The following XNDC1N variants were observed in gnomAD, a reference collection of about 807,000 sequenced individuals.
XNDC1N encodes XRCC1 N-terminal domain containing 1, N-terminal like.
chr11:71,918,466 G>A, the XNDC1N span, among the ~76,000 whole-genome samples: 19 of 152,192 alleles, frequency 1.2e-4, no homozygotes, highest in African/African-American at 3.6e-4. Flanking sequence ...ATTTTTGGTA[G>A]AGACAGGATT....
the XNDC1N span, among the ~76,000 whole-genome samples, chr11:71,908,937 G>A: frequency 2.6e-5 from 4 of 152,174 alleles, no homozygotes; most frequent in Non-Finnish European, 4.4e-5. Context: ...AGACAGAGAA[G>A]CTCTCCTGGA....
chr11:71,903,155 T>C, the XNDC1N span: 65 of 678,416 alleles, frequency 9.6e-5, no homozygotes, highest in Non-Finnish European at 1.7e-4. Context: ...TTTTCAACCC[T>C]CTTTTCCAGG....
At chr11:71,888,620 C>A in the XNDC1N span, among the ~76,000 whole-genome samples, 1 of 152,212 alleles carries the variant, frequency 6.6e-6, no homozygotes, top group African/African-American at 2.4e-5. Flanking sequence ...CTCTCAACAA[C>A]TAGACGGGGT....
chr11:71,893,408 T>C, the XNDC1N span: 6 of 704,744 alleles, frequency 8.5e-6, no homozygotes, highest in Non-Finnish European at 1.3e-5. Flanking sequence ...CATTAAGGGC[T>C]GGTTTTTATC....
chr11:71,928,254 CGCT>C, the XNDC1N span: 1 of 559,766 alleles, frequency 1.8e-6, no homozygotes, highest in East Asian at 3.0e-5. Flanking sequence ...CAAGCCGCAC[CGCT>C]GCTTTCACAG....
At chr11:71,919,283 C>T in the XNDC1N span, among the ~76,000 whole-genome samples, 1 of 152,100 alleles carries the variant, frequency 6.6e-6, no homozygotes, top group African/African-American at 2.4e-5. Flanking sequence ...TTATTACTTC[C>T]AAGTTAACAG....
At chr11:71,919,158 G>A in the XNDC1N span, 1 of 618,332 alleles carries the variant, frequency 1.6e-6, no homozygotes, top group Non-Finnish European at 2.9e-6. Context: ...CACCAGATGG[G>A]AGGCCATAGG....
At chr11:71,878,427 C>T in the XNDC1N span, 1 of 1,610,598 alleles carries the variant, frequency 6.2e-7, no homozygotes, top group Non-Finnish European at 8.5e-7. Flanking sequence ...TACTGATTCT[C>T]TCTAACCTGC....
chr11:71,917,243 A>G, the XNDC1N span: 5 of 649,840 alleles, frequency 7.7e-6, no homozygotes, highest in African/African-American at 5.4e-5. Context: ...CGAACTCCTG[A>G]CCTCAGATGA....
chr11:71,892,801 G>A, the XNDC1N span, among the ~76,000 whole-genome samples: 448 of 152,226 alleles, frequency 2.9e-3, 10 homozygotes, highest in Non-Finnish European at 1.0e-3. Flanking sequence ...GATTACAGGT[G>A]TGAGCCATGG....
the XNDC1N span, among the ~76,000 whole-genome samples, chr11:71,915,078 C>T: frequency 3.6e-4 from 55 of 152,288 alleles, no homozygotes; most frequent in African/African-American, 1.3e-3. Context: ...CCACAGCCAG[C>T]CCAACCTTCA....
At chr11:71,866,930 T>C in the XNDC1N span, among the ~76,000 whole-genome samples, 2 of 152,202 alleles carry the variant, frequency 1.3e-5, no homozygotes, top group Non-Finnish European at 2.9e-5. Flanking sequence ...GTCACAAAAA[T>C]ACTTGAAAAT....
At chr11:71,920,191 C>A in the XNDC1N span, among the ~76,000 whole-genome samples, 2 of 151,558 alleles carry the variant, frequency 1.3e-5, no homozygotes, top group African/African-American at 4.8e-5. Context: ...ATCTCCTGAC[C>A]TCGTGATCCG....
chr11:71,895,608 T>G, the XNDC1N span, among the ~76,000 whole-genome samples: 677 of 152,086 alleles, frequency 4.5e-3, no homozygotes, highest in African/African-American at 0.016. Flanking sequence ...ATTACAGGCA[T>G]GCGCGACCGC....
At chr11:71,892,086 T>A in the XNDC1N span, among the ~76,000 whole-genome samples, 1 of 152,144 alleles carries the variant, frequency 6.6e-6, no homozygotes, top group Admixed American at 6.5e-5. Context: ...AGCAATATCA[T>A]CCTCTCCCCC....
the XNDC1N span, chr11:71,904,124 CTCAATA>C: frequency 1.2e-5 from 6 of 495,704 alleles, no homozygotes; most frequent in Admixed American, 1.2e-4. Context: ...GCAGTCTAAT[CTCAATA>C]TCTTCTTATC....
At chr11:71,917,415 C>T in the XNDC1N span, 1 of 623,148 alleles carries the variant, frequency 1.6e-6, no homozygotes, top group East Asian at 2.7e-5. Context: ...CTCCATCTCC[C>T]CAGCTAGCAT....
At chr11:71,885,841 GTTA>G in the XNDC1N span, among the ~76,000 whole-genome samples, 2 of 149,566 alleles carry the variant, frequency 1.3e-5, no homozygotes, top group Non-Finnish European at 2.9e-5. Context: ...ATCAATATCA[GTTA>G]TTAATATCAG....
At chr11:71,891,007 T>G in the XNDC1N span, among the ~76,000 whole-genome samples, 3 of 151,390 alleles carry the variant, frequency 2.0e-5, no homozygotes, top group African/African-American at 4.9e-5. Flanking sequence ...ATGTTGGGAG[T>G]GAAATTTTCC....
Sources: allele counts gnomAD v4.1 joint callset (sites outside exome capture counted in the v4.1 genomes callset), GRCh38; gene constraint gnomAD v4.1.1; transcripts MANE v1.5; gene names NCBI Gene and HGNC (gene_info 2026-07-23, HGNC 2026-07-21).